The following CSK variants were observed in gnomAD, a reference collection of about 807,000 sequenced individuals.
The protein encoded by CSK is C-terminal Src kinase, also known as tyrosine-protein kinase CSK.
A neutral mutation model predicts 62.3 loss-of-function variants in CSK; 7 were observed. That is an observed-to-expected ratio of 0.11 (90% CI 0.06 to 0.21). The LOEUF is 0.21. CSK is among the 10% of genes least tolerant of loss of function. The probability of loss-of-function intolerance (pLI) is 1.00; values close to 1 mark genes in which losing one functional copy is unlikely to be tolerated. For missense variants in CSK, 294 were observed against 613.5 expected, an observed-to-expected ratio of 0.48 and a Z score of 5.50; for synonymous variants, 237 against 246.0, an observed-to-expected ratio of 0.96 and a Z score of 0.34.
chr15:74,794,932 T>G (rs781598329), intron 1 of CSK, among the ~76,000 whole-genome samples: 5 of 151,874 alleles, frequency 3.3e-5, no homozygotes, highest in Non-Finnish European at 7.4e-5. Context: ...CCTGGCAGAG[T>G]TTATGCCAGG....
chr15:74,796,479 C>T (rs191090080), intron 1 of CSK, among the ~76,000 whole-genome samples: 3 of 151,314 alleles, frequency 2.0e-5, no homozygotes. Context: ...CTGTGGTAAT[C>T]GCTACTTAGG....
At position 74,802,038 on chromosome 15, in the gene CSK, T is replaced by C. The variant is rs1175874954; in HGVS notation, c.1125T>C (p.Leu375=). 4 of 1,613,986 alleles carry C rather than the reference T, an allele frequency of 2.5e-6. No individual in the cohort carries two copies. The highest frequency in any genetic ancestry group is 2.2e-5 in the South Asian group (2 of 91,080). The change falls in exon 12 of 13, where the codon CTT becomes CTC. Residue 375 remains leucine (L), a synonymous_variant. Coordinates refer to ENST00000220003, the MANE Select transcript of CSK (RefSeq NM_004383.3). ...TKSDVWSFGI[L]LWEIYSFGRV... ...CTGACGTGTGGAGTTTCGGAATCCT[T>C]CTCTGGGAAATCTACTCCTTTGGGC...
In CSK at chr15:74,801,720, C is replaced by T. The variant is rs535854554; in HGVS notation, c.913C>T (p.Leu305=). 19 of 1,613,868 alleles carry T rather than the reference C, an allele frequency of 1.2e-5. No homozygotes were observed. The East Asian group carries it at 3.6e-4, about 30-fold the overall frequency. ...AGATGTCTGCGAGGCCATGGAATAC[C>T]TGGAGGGCAACAATTTCGTGCATCG... ...SLDVCEAMEY[L]EGNNFVHRDL... The change falls in exon 11 of 13, where the codon CTG becomes TTG. Residue 305 remains leucine, a synonymous_variant. Coordinates refer to ENST00000220003, the MANE Select transcript of CSK (RefSeq NM_004383.3).
chr15:74,802,249 T>A (rs2063804038), intron 12 of CSK, 82 bp from the exon 13 acceptor site: 3 of 1,459,944 alleles, frequency 2.1e-6, no homozygotes, highest in Non-Finnish European at 2.8e-6. Flanking sequence ...GCAAAGCTGA[T>A]GGGCATCCCT....
chr15:74,795,895 C>A (rs1337354303), intron 1 of CSK, among the ~76,000 whole-genome samples: 3 of 152,114 alleles, frequency 2.0e-5, no homozygotes, highest in Non-Finnish European at 2.9e-5. Flanking sequence ...TGTATTCTTA[C>A]AATAAAGTAA....
intron 1 of CSK, among the ~76,000 whole-genome samples, chr15:74,783,191 A>G (rs915364752): frequency 6.6e-6 from 1 of 152,180 alleles, no homozygotes; most frequent in Non-Finnish European, 1.5e-5. Context: ...ACCTCGGGTG[A>G]GCAGTTAGAA....
intron 1 of CSK, among the ~76,000 whole-genome samples, chr15:74,789,948 G>T (rs1596368496): frequency 6.6e-6 from 1 of 152,276 alleles, no homozygotes; most frequent in African/African-American, 2.4e-5. Flanking sequence ...GTGTGTGAGT[G>T]GTGACCTTGG....
chr15:74,790,211 C>G (rs3784789), intron 1 of CSK, among the ~76,000 whole-genome samples: 66,046 of 152,192 alleles, frequency 0.43, 18,757 homozygotes, highest in Non-Finnish European at 0.66. Flanking sequence ...CTTTTGTGCA[C>G]TTCCCTTTTC....
rs12898997 is a variant in CSK, at chr15:74,798,008, C to T, written c.-65-225C>T. 0.49 allele frequency: 182,943 copies of T among 374,234 alleles called. 54,051 individuals are homozygous for T. Among genetic ancestry groups the T allele is most frequent in the Non-Finnish European group, 0.65 (132,134 of 203,714 alleles). 23.2% of individuals were successfully genotyped at this position (374,234 alleles called of 1,614,324 possible). A position where few individuals can be genotyped will look rare whatever the true frequency, so the allele number is the denominator to read the frequency against. On this transcript the variant is annotated intron_variant, in intron 1 of 12. Transcript: ENST00000220003. This position sits in a 1 kb window ranked among gnomAD's most constrained non-coding sequence, Gnocchi z 6.6. ...CTTTCTATCAGTCCTGGAAGGCCCC[C>T]TGTGGCCTTAGGGTTGGTGGCTCCC... is the stretch of plus-strand genomic sequence containing the variant.
At chr15:74,783,461 T>A (rs1457083366) in intron 1 of CSK, among the ~76,000 whole-genome samples, 1 of 152,176 alleles carries the variant, frequency 6.6e-6, no homozygotes, top group African/African-American at 2.4e-5. Flanking sequence ...CCCCGCCCAT[T>A]TTGTACACCC....
intron 1 of CSK, among the ~76,000 whole-genome samples, chr15:74,792,843 G>A (rs2063643909): frequency 6.6e-6 from 1 of 152,232 alleles, no homozygotes; most frequent in African/African-American, 2.4e-5. Context: ...TTTGGGGCAG[G>A]AAGTCAGCGT....
intron 1 of CSK, among the ~76,000 whole-genome samples, chr15:74,789,561 G>A (rs1045365621): frequency 2.0e-5 from 3 of 152,218 alleles, no homozygotes; most frequent in African/African-American, 4.8e-5. Flanking sequence ...CCTTTGGAGG[G>A]GCGGGCCCAA....
chr15:74,799,571 C>T lies in CSK; in HGVS notation c.462+80C>T, dbSNP rs2063757607. On this transcript the variant is annotated intron_variant, in intron 5 of 12. Coordinates refer to ENST00000220003, the MANE Select transcript of CSK (RefSeq NM_004383.3). The stretch of plus-strand genomic sequence containing the variant: ...TGGGGCCCTGGCTTCTAGCTCCAGC[C>T]CCACTGCTTCTGCGTGGTGACCAGC... 5 of 1,410,068 alleles carry T rather than the reference C, an allele frequency of 3.5e-6. No homozygotes were observed. In the East Asian group the frequency reaches 1.2e-4, roughly 35 times the overall value. 87.3% of individuals were successfully genotyped at this position (1,410,068 alleles called of 1,614,324 possible). A position where few individuals can be genotyped will look rare whatever the true frequency, so the allele number is the denominator to read the frequency against.
rs965230370 is a variant in CSK at position 74,802,760 on chromosome 15, G to A, written c.*247G>A. 4.8e-5 allele frequency: 22 copies of A among 457,724 alleles called. No individual in the cohort carries two copies. Among genetic ancestry groups the A allele is most frequent in the African/African-American group, 2.3e-4 (11 of 48,748 alleles). 28.4% of individuals were successfully genotyped at this position (457,724 alleles called of 1,614,324 possible). A position where few individuals can be genotyped will look rare whatever the true frequency, so the allele number is the denominator to read the frequency against. On this transcript the variant is annotated 3_prime_UTR_variant, in exon 13 of 13. Coordinates refer to ENST00000220003, the MANE Select transcript of CSK (RefSeq NM_004383.3). Reference sequence around the variant, plus strand: ...GCGGGAGGCAGCGCCCCACCACGTCGGGCTTCCCTGGCCTCCCGCCACTCG... The same window carrying A: ...GCGGGAGGCAGCGCCCCACCACGTCAGGCTTCCCTGGCCTCCCGCCACTCG...
At chr15:74,801,156 C>G in intron 9 of CSK, 54 bp downstream of exon 9, 1 of 1,597,234 alleles carries the variant, frequency 6.3e-7, no homozygotes, top group Non-Finnish European at 8.6e-7. Flanking sequence ...CCGAAACCCC[C>G]ACTGTGCTCT....
intron 1 of CSK, among the ~76,000 whole-genome samples, chr15:74,795,478 C>G (rs1441909267): frequency 3.3e-5 from 5 of 152,192 alleles, no homozygotes; most frequent in Admixed American, 6.5e-5. Flanking sequence ...AGTTTCTCTT[C>G]TAACACACTG....
rs1433172789 is a variant in CSK, at chr15:74,799,569, GC to G, written c.462+82del. 4.2e-6 allele frequency: 6 copies of G among 1,425,780 alleles called. No individual in the cohort carries two copies. The South Asian group carries it at 5.1e-5, about 12-fold the overall frequency. The allele number at this position is 1,425,780 out of a possible 1,614,324, so 88.3% of individuals were successfully genotyped here. On this transcript the variant is annotated intron_variant, in intron 5 of 12. Transcript: ENST00000220003. ...TCTGGGGCCCTGGCTTCTAGCTCCA[GC>G]CCCACTGCTTCTGCGTGGTGACCAG...
chr15:74,802,438 C>T lies in CSK; in HGVS notation c.1278C>T (p.Asp426=), dbSNP rs576918025. ...TCATGAAGAACTGCTGGCACCTGGACGCCGCCATGCGGCCCTCCTTCCTAC... is the reference window on the plus strand; with the variant it reads ...TCATGAAGAACTGCTGGCACCTGGATGCCGCCATGCGGCCCTCCTTCCTAC... ...YEVMKNCWHL[D]AAMRPSFLQL... The change falls in exon 13 of 13, where the codon GAC becomes GAT. Residue 426 remains aspartate (D), a synonymous_variant. Coordinates refer to ENST00000220003, the MANE Select transcript of CSK (RefSeq NM_004383.3). The T allele has an allele frequency of 3.1e-5, 50 of 1,612,816 alleles. No homozygotes were observed. The highest frequency in any genetic ancestry group is 1.5e-4 in the South Asian group (14 of 91,028).
chr15:74,784,710 C>CA (rs1337950107), intron 1 of CSK, among the ~76,000 whole-genome samples: 2 of 152,202 alleles, frequency 1.3e-5, no homozygotes, highest in Non-Finnish European at 2.9e-5. Context: ...CAGCTTCCTC[C>CA]AAACAAGTAT....
Sources: gnomAD v4.1 joint callset for allele counts (sites outside exome capture counted in the v4.1 genomes callset) on GRCh38, gnomAD v4.1.1 for gene constraint, Gnocchi (gnomAD v3.1) non-coding constraint, MANE v1.5 for transcripts, NCBI Gene and HGNC (gene_info 2026-07-23, HGNC 2026-07-21) for gene names.